The following ZNF462 variants were observed in gnomAD, a reference collection of about 807,000 sequenced individuals.
The protein encoded by ZNF462 is zinc finger PBX1-interacting protein.
ZNF462 carries 10 observed loss-of-function variants against 201.9 expected under a neutral mutation model. The observed-to-expected ratio is 0.05, with a 90% CI of 0.03 to 0.08. ZNF462 has a LOEUF of 0.08. ZNF462 is among the 10% of genes least tolerant of loss of function. The pLI is 1.00. For missense variants in ZNF462, 2,523 were observed against 3,168.3 expected, an observed-to-expected ratio of 0.80 and a Z score of 4.89; for synonymous variants, 1,227 against 1,193.3, an observed-to-expected ratio of 1.03 and a Z score of -0.58.
intron 1 of ZNF462, among the ~76,000 whole-genome samples, chr9:106,921,958 C>T (rs926574604): frequency 1.4e-4 from 21 of 152,154 alleles, no homozygotes; most frequent in African/African-American, 4.6e-4. Context: ...TAAATATCTG[C>T]GGCTCACTCT....
intron 7 of ZNF462, 70 bp from the exon 8 acceptor site, chr9:106,971,935 A>G (rs1287296141): frequency 1.8e-5 from 27 of 1,530,694 alleles, no homozygotes; most frequent in Non-Finnish European, 2.4e-5. Flanking sequence ...ACCTGATGTC[A>G]GGGGTTTTCA....
intron 1 of ZNF462, among the ~76,000 whole-genome samples, chr9:106,866,700 T>C (rs557087331): frequency 2.0e-5 from 3 of 152,318 alleles, no homozygotes; most frequent in East Asian, 1.9e-4. Context: ...TTACTTTTGC[T>C]CTTAAGTGAA....
chr9:106,997,882 G>A (rs77072767), intron 10 of ZNF462, among the ~76,000 whole-genome samples: 6,516 of 152,140 alleles, frequency 0.043, 274 homozygotes, highest in East Asian at 0.16. Context: ...CAAAAAAATT[G>A]TAATGTGAAA....
At chr9:107,004,044 T>A (rs1488537155) in intron 11 of ZNF462, among the ~76,000 whole-genome samples, 1 of 152,206 alleles carries the variant, frequency 6.6e-6, no homozygotes, top group East Asian at 1.9e-4. Flanking sequence ...TTCCTGTGAG[T>A]CTATAATTAT....
chr9:106,924,106 G>C lies in ZNF462; in HGVS notation c.221-27G>C. ...GGATATTTTAATTATCTTTTGCTTTGTCACTTTCCTTATGCTTTTTCTTTA... is the reference window on the plus strand; with the variant it reads ...GGATATTTTAATTATCTTTTGCTTTCTCACTTTCCTTATGCTTTTTCTTTA... On this transcript the variant is annotated intron_variant, in intron 2 of 12. Coordinates refer to ENST00000277225, the MANE Select transcript of ZNF462 (RefSeq NM_021224.6). This position sits in a 1 kb window ranked among gnomAD's most constrained non-coding sequence, Gnocchi z 6.2. 1.9e-6 allele frequency: 3 copies of C among 1,542,368 alleles called. No homozygotes were observed. The highest frequency in any genetic ancestry group is 2.5e-5 in the South Asian group (2 of 80,892).
chr9:106,909,044 C>T (rs534787980), intron 1 of ZNF462, among the ~76,000 whole-genome samples: 2 of 140,408 alleles, frequency 1.4e-5, no homozygotes, highest in African/African-American at 5.3e-5. Flanking sequence ...CTCACTGCAA[C>T]CTCTGCCTCC....
At chr9:106,900,431 T>C in intron 1 of ZNF462, among the ~76,000 whole-genome samples, 1 of 152,192 alleles carries the variant, frequency 6.6e-6, no homozygotes, top group East Asian at 1.9e-4. Flanking sequence ...ATGGTAGTTC[T>C]ACTTTTAGCT....
chr9:106,888,518 A>C (rs1406868254), intron 1 of ZNF462, among the ~76,000 whole-genome samples: 1 of 152,224 alleles, frequency 6.6e-6, no homozygotes, highest in Non-Finnish European at 1.5e-5. Flanking sequence ...AGCATAGAAA[A>C]AGCTACTGTC....
At position 107,006,714 on chromosome 9, in the gene ZNF462, G is replaced by A. The variant is rs546212799; in HGVS notation, c.7190-2831G>A. Reference sequence around the variant, plus strand: ...CCAGGGCTAAAGACTATGGGTTTGCGAAGGGGGCCCCAGTTTGGCTCTTGA... The same window carrying A: ...CCAGGGCTAAAGACTATGGGTTTGCAAAGGGGGCCCCAGTTTGGCTCTTGA... On this transcript the variant is annotated intron_variant, in intron 11 of 12. Coordinates refer to ENST00000277225, the MANE Select transcript of ZNF462 (RefSeq NM_021224.6). This position sits in a 1 kb window ranked among gnomAD's most constrained non-coding sequence, Gnocchi z 4.3. 2.0e-5 allele frequency among the ~76,000 whole-genome samples: 3 copies of A among 152,158 alleles called. No homozygotes were observed. Among genetic ancestry groups the A allele is most frequent in the Non-Finnish European group, 2.9e-5 (2 of 68,008 alleles).
intron 7 of ZNF462, among the ~76,000 whole-genome samples, chr9:106,958,145 G>A (rs763386633): frequency 7.9e-5 from 12 of 152,008 alleles, no homozygotes; most frequent in Non-Finnish European, 1.6e-4. Flanking sequence ...CATCACTAGG[G>A]AATGTGCTGC....
Position 106,938,349 on chromosome 9 carries a change from A to G in ZNF462, c.6236-567A>G. Among the ~76,000 whole-genome samples the G allele has an allele frequency of 6.6e-6, 1 of 152,180 alleles. No individual in the cohort carries two copies. Among genetic ancestry groups the G allele is most frequent in the Non-Finnish European group, 1.5e-5 (1 of 68,028 alleles). On this transcript the variant is annotated intron_variant, in intron 6 of 12. Coordinates refer to ENST00000277225, the MANE Select transcript of ZNF462 (RefSeq NM_021224.6). The surrounding 1 kb of genome is among the most constrained non-coding windows in gnomAD (Gnocchi z 4.4). ...TGACTAGATAAGGAAATGGAGTTCT[A>G]TGCTGAGGTTTATGAACTGGTCCAA...
chr9:106,930,314 C>T lies in ZNF462; in HGVS notation c.5848-211C>T, dbSNP rs965544059. On this transcript the variant is annotated intron_variant, in intron 3 of 12. Coordinates refer to ENST00000277225, the MANE Select transcript of ZNF462 (RefSeq NM_021224.6). This position sits in a 1 kb window ranked among gnomAD's most constrained non-coding sequence, Gnocchi z 5.8. ...ACAGAAATCTTCTCTACTCACAAGC[C>T]GTAATGTATTTGGGTTTCAAAGACT... 6.6e-6 allele frequency among the ~76,000 whole-genome samples: 1 copy of T among 152,120 alleles called. No homozygotes were observed. Among genetic ancestry groups the T allele is most frequent in the South Asian group, 2.1e-4 (1 of 4,812 alleles).
At position 106,972,773 on chromosome 9, in the gene ZNF462, C is replaced by A. The variant is rs1826695335; in HGVS notation, c.6695+501C>A. Reference sequence around the variant, plus strand: ...TGGCACTTCCAACACTACACTTGAGCAATCATAGGGAGATTGCTCCAGTCT... The same window carrying A: ...TGGCACTTCCAACACTACACTTGAGAAATCATAGGGAGATTGCTCCAGTCT... On this transcript the variant is annotated intron_variant, in intron 8 of 12. Transcript: ENST00000277225. The surrounding 1 kb of genome is among the most constrained non-coding windows in gnomAD (Gnocchi z 4.8). Among the ~76,000 whole-genome samples, 1 of 152,172 alleles carries A rather than the reference C, an allele frequency of 6.6e-6. No homozygotes were observed. The highest frequency in any genetic ancestry group is 2.4e-5 in the African/African-American group (1 of 41,444).
Position 106,927,167 on chromosome 9 carries a change from G to A in ZNF462, c.3255G>A (p.Val1085=). The change falls in exon 3 of 13, where the codon GTG becomes GTA. Residue 1085 remains valine (V), a synonymous_variant. Transcript: ENST00000277225. ...GSALSQLSFE[V]GAPMSPKMSN... is the part of the protein sequence containing the mutation. Reference sequence around the variant, plus strand: ...CCCTTTCTCAATTATCATTTGAGGTGGGTGCTCCAATGTCTCCCAAAATGT... The same window carrying A: ...CCCTTTCTCAATTATCATTTGAGGTAGGTGCTCCAATGTCTCCCAAAATGT... 6.2e-7 allele frequency: 1 copy of A among 1,613,994 alleles called. No individual in the cohort carries two copies. The highest frequency in any genetic ancestry group is 8.5e-7 in the Non-Finnish European group (1 of 1,179,992).
intron 11 of ZNF462, among the ~76,000 whole-genome samples, chr9:107,004,279 T>G (rs1829396486): frequency 6.6e-6 from 1 of 152,150 alleles, no homozygotes; most frequent in Non-Finnish European, 1.5e-5. Context: ...GACCCAGAGA[T>G]GAGAATAGTA....
At chr9:106,958,766 C>A (rs553969067) in intron 7 of ZNF462, among the ~76,000 whole-genome samples, 1 of 152,180 alleles carries the variant, frequency 6.6e-6, no homozygotes, top group East Asian at 1.9e-4. Flanking sequence ...CCAATACATC[C>A]ACTGTAGATG....
rs1185857440 is a variant in ZNF462 at position 106,963,309 on chromosome 9, T to C, written c.6428-8696T>C. Reference sequence around the variant, plus strand: ...TGAGTCTGAGAATCATCTTGATAGCTCTGTGTTACACACTGTTTTAATAAC... The same window carrying C: ...TGAGTCTGAGAATCATCTTGATAGCCCTGTGTTACACACTGTTTTAATAAC... On this transcript the variant is annotated intron_variant, in intron 7 of 12. Transcript: ENST00000277225. The surrounding 1 kb of genome is among the most constrained non-coding windows in gnomAD (Gnocchi z 4.7). Among the ~76,000 whole-genome samples, 2 of 152,136 alleles carry C rather than the reference T, an allele frequency of 1.3e-5. No individual in the cohort carries two copies. Among genetic ancestry groups the C allele is most frequent in the Non-Finnish European group, 2.9e-5 (2 of 67,994 alleles).
intron 5 of ZNF462, among the ~76,000 whole-genome samples, chr9:106,934,416 T>C (rs1189615403): frequency 6.6e-6 from 1 of 151,958 alleles, no homozygotes; most frequent in African/African-American, 2.4e-5. Flanking sequence ...CTTGGAAAAA[T>C]TGACTTCATG....
In ZNF462 at chr9:106,999,491, G is replaced by A. The variant is rs1249624032; in HGVS notation, c.7057-3803G>A. On this transcript the variant is annotated intron_variant, in intron 10 of 12. Coordinates refer to ENST00000277225, the MANE Select transcript of ZNF462 (RefSeq NM_021224.6). ...AGTGGAAAGCCAGAAATCATCTACC[G>A]TAAATTCATACGGGAATGAATAGTC... 4.6e-5 allele frequency among the ~76,000 whole-genome samples: 7 copies of A among 152,236 alleles called. No individual in the cohort carries two copies. The East Asian group carries it at 5.8e-4, about 13-fold the overall frequency.
Sources: allele counts gnomAD v4.1 joint callset (sites outside exome capture counted in the v4.1 genomes callset), GRCh38; gene constraint gnomAD v4.1.1; non-coding constraint Gnocchi (gnomAD v3.1); transcripts MANE v1.5; gene names NCBI Gene and HGNC (gene_info 2026-07-23, HGNC 2026-07-21).